BCAT1: variants seen among roughly 807,000 people sequenced by gnomAD.
BCAT1 encodes the protein branched chain amino acid transaminase 1, also known as branched-chain-amino-acid aminotransferase, cytosolic.
BCAT1 carries 48 observed loss-of-function variants against 52.4 expected under a neutral mutation model. The observed-to-expected ratio is 0.92, with a 90% CI of 0.73 to 1.16. The LOEUF (loss-of-function observed/expected upper bound fraction) is 1.16, where lower values mean the gene tolerates loss of function less well. Ranked by LOEUF, BCAT1 falls within the 50% of genes most tolerant of loss-of-function variation. The probability of loss-of-function intolerance (pLI) is 0.00; values close to 1 mark genes in which losing one functional copy is unlikely to be tolerated. For missense variants in BCAT1, 451 were observed against 457.1 expected, an observed-to-expected ratio of 0.99 and a Z score of 0.12; for synonymous variants, 167 against 161.3, an observed-to-expected ratio of 1.04 and a Z score of -0.27.
intron 8 of BCAT1, among the ~76,000 whole-genome samples, chr12:24,835,551 TTTTA>T (rs67156404): frequency 0.15 from 21,548 of 146,324 alleles, 2,011 homozygotes; most frequent in African/African-American, 0.27. Flanking sequence ...TTAAATTTTA[TTTTA>T]TTTATTTATT....
At chr12:24,943,166 A>G (rs954689307) in intron 1 of BCAT1, among the ~76,000 whole-genome samples, 2 of 152,210 alleles carry the variant, frequency 1.3e-5, no homozygotes, top group Non-Finnish European at 2.9e-5. Flanking sequence ...ATGTGTTTGC[A>G]CATTTTGCAA....
At chr12:24,845,933 A>T (rs146292681) in intron 6 of BCAT1, among the ~76,000 whole-genome samples, 1 of 152,202 alleles carries the variant, frequency 6.6e-6, no homozygotes, top group African/African-American at 2.4e-5. Flanking sequence ...ATTTTTTCTC[A>T]TTCGTAGACA....
chr12:24,891,164 G>A (rs1220357784), intron 3 of BCAT1, among the ~76,000 whole-genome samples: 2 of 152,112 alleles, frequency 1.3e-5, no homozygotes, highest in Non-Finnish European at 2.9e-5. Context: ...CAGATTTTGG[G>A]CCCTAGGTCA....
chr12:24,859,162 A>G (rs1211715546), intron 5 of BCAT1, among the ~76,000 whole-genome samples: 1 of 152,252 alleles, frequency 6.6e-6, no homozygotes, highest in African/African-American at 2.4e-5. Flanking sequence ...TGGATTTGAC[A>G]TTCATTAATG....
chr12:24,946,558 C>G (rs551232473), intron 1 of BCAT1, among the ~76,000 whole-genome samples: 1 of 152,196 alleles, frequency 6.6e-6, no homozygotes, highest in Admixed American at 6.5e-5. Context: ...ATCACAAATT[C>G]CAGGAACATA....
intron 10 of BCAT1, 56 bp from the exon 11 acceptor site, chr12:24,818,105 G>A (rs1939953812): frequency 1.3e-6 from 2 of 1,571,054 alleles, no homozygotes; most frequent in Middle Eastern, 1.7e-4. Flanking sequence ...GGCAGAAATA[G>A]CTTACAAACA....
At position 24,812,581 on chromosome 12, in the gene BCAT1, C is replaced by G. The variant is rs1939724974; in HGVS notation, c.*5427G>C. ...GCTATATTTAGTCACTACCTAGTAG[C>G]ATTATTTGTATTTAGCAACTACATT... On this transcript the variant is annotated 3_prime_UTR_variant, in exon 11 of 11. Coordinates refer to ENST00000261192, the MANE Select transcript of BCAT1 (RefSeq NM_005504.7). 1 of 152,028 alleles carries G rather than the reference C, an allele frequency of 6.6e-6. No individual in the cohort carries two copies. Among genetic ancestry groups the G allele is most frequent in the Non-Finnish European group, 1.5e-5 (1 of 67,910 alleles). The allele number at this position is 152,028 out of a possible 1,614,324, so 9.4% of individuals were successfully genotyped here.
intron 1 of BCAT1, among the ~76,000 whole-genome samples, chr12:24,916,020 G>A (rs1002657107): frequency 1.5e-4 from 23 of 152,060 alleles, no homozygotes; most frequent in Non-Finnish European, 3.1e-4. Context: ...TTAGCTGGGA[G>A]TAGCAACACA....
intron 2 of BCAT1, among the ~76,000 whole-genome samples, chr12:24,895,699 A>T (rs1208480745): frequency 1.3e-5 from 2 of 152,144 alleles, no homozygotes; most frequent in East Asian, 3.8e-4. Context: ...TCCCTCCCAA[A>T]TTAAATACAG....
chr12:24,917,745 G>C (rs4963822), intron 1 of BCAT1, among the ~76,000 whole-genome samples: 133,990 of 152,200 alleles, frequency 0.88, 60,379 homozygotes, highest in East Asian at 1. Flanking sequence ...AAAGGTTACA[G>C]TTAATTGAAG....
chr12:24,850,358 C>T (rs1183540919), intron 5 of BCAT1, among the ~76,000 whole-genome samples: 1 of 152,178 alleles, frequency 6.6e-6, no homozygotes, highest in Admixed American at 6.5e-5. Flanking sequence ...TTCTCTAACT[C>T]ATCCTTCTGT....
intron 6 of BCAT1, among the ~76,000 whole-genome samples, chr12:24,845,342 TA>T (rs950539404): frequency 6.6e-6 from 1 of 151,924 alleles, no homozygotes; most frequent in Non-Finnish European, 1.5e-5. Context: ...AGGAAGCTAT[TA>T]AAAAAACAAT....
At chr12:24,855,645 T>G (rs1297290586) in intron 5 of BCAT1, among the ~76,000 whole-genome samples, 1 of 152,168 alleles carries the variant, frequency 6.6e-6, no homozygotes, top group Non-Finnish European at 1.5e-5. Flanking sequence ...CCTCCCAAAG[T>G]GCTGGGATTA....
chr12:24,891,239 T>A (rs1191748831), intron 3 of BCAT1, among the ~76,000 whole-genome samples: 2 of 152,156 alleles, frequency 1.3e-5, no homozygotes, highest in African/African-American at 4.8e-5. Flanking sequence ...GAACAAGTAA[T>A]GCCGGAAGAG....
chr12:24,858,570 A>T (rs1324298420), intron 5 of BCAT1, among the ~76,000 whole-genome samples: 1 of 152,208 alleles, frequency 6.6e-6, no homozygotes, highest in African/African-American at 2.4e-5. Context: ...GGAGTTGGCC[A>T]TGCCCCCTAG....
intron 1 of BCAT1, among the ~76,000 whole-genome samples, chr12:24,938,370 A>G (rs1943797880): frequency 6.6e-6 from 1 of 152,168 alleles, no homozygotes; most frequent in Non-Finnish European, 1.5e-5. Flanking sequence ...GATAAAGTGT[A>G]GTGCGGTAAT....
intron 1 of BCAT1, among the ~76,000 whole-genome samples, chr12:24,926,823 A>G (rs932099831): frequency 6.6e-6 from 1 of 151,910 alleles, no homozygotes; most frequent in Non-Finnish European, 1.5e-5. Context: ...AACACTGCGG[A>G]AGGCCGCAGG....
intron 8 of BCAT1, chr12:24,834,037 G>T (rs111334803): frequency 2.0e-6 from 1 of 493,026 alleles, no homozygotes; most frequent in Non-Finnish European, 2.6e-6. Flanking sequence ...TCCCTATGTT[G>T]CCCAGGCTGG....
At position 24,902,710 on chromosome 12, in the gene BCAT1, A is replaced by G. The variant is rs939202313; in HGVS notation, c.7-825T>C. 6 of 606,142 alleles carry G rather than the reference A, an allele frequency of 9.9e-6. No individual in the cohort carries two copies. The African/African-American group carries it at 1.2e-4, about 12-fold the overall frequency. 37.5% of individuals were successfully genotyped at this position (606,142 alleles called of 1,614,324 possible). The stretch of plus-strand genomic sequence containing the variant: ...CGCCACGCTCCGGAGCGGGTTACCC[A>G]TGAGGGTGCTAGACCTGGGCAGCGG... On this transcript the variant is annotated intron_variant, in intron 1 of 10. Transcript: ENST00000261192.
Sources: allele counts gnomAD v4.1 joint callset (sites outside exome capture counted in the v4.1 genomes callset), GRCh38; gene constraint gnomAD v4.1.1; transcripts MANE v1.5; gene names NCBI Gene and HGNC (gene_info 2026-07-23, HGNC 2026-07-21).